Variants in AHCYL2 observed in about 807,000 individuals in gnomAD.
AHCYL2 encodes the protein adenosylhomocysteinase like 2, also known as S-adenosylhomocysteine hydrolase-like protein 2.
In AHCYL2, 28 loss-of-function variants were observed where a neutral mutation model predicts 81.4. The ratio of observed to expected loss-of-function variants is 0.34; its 90% CI spans 0.25 to 0.47. The LOEUF (loss-of-function observed/expected upper bound fraction) is 0.47, where lower values mean the gene tolerates loss of function less well. AHCYL2 is among the 20% of genes least tolerant of loss of function. The pLI, the probability that AHCYL2 is intolerant of heterozygous loss-of-function variation, is 1.00. For missense variants in AHCYL2, 551 were observed against 785.1 expected, an observed-to-expected ratio of 0.70 and a Z score of 3.56; for synonymous variants, 272 against 290.2, an observed-to-expected ratio of 0.94 and a Z score of 0.64.
intron 1 of AHCYL2, among the ~76,000 whole-genome samples, chr7:129,344,418 G>C (rs1793290489): frequency 6.6e-6 from 1 of 152,070 alleles, no homozygotes; most frequent in Non-Finnish European, 1.5e-5. Context: ...CAGTAAAAAA[G>C]AATGAACTAC....
intron 1 of AHCYL2, among the ~76,000 whole-genome samples, chr7:129,308,250 T>C (rs1489510661): frequency 6.6e-6 from 1 of 152,122 alleles, no homozygotes; most frequent in African/African-American, 2.4e-5. Flanking sequence ...TAGCAGGCCT[T>C]ATGGAAGTTA....
chr7:129,389,414 T>C (rs1296953266), intron 3 of AHCYL2, among the ~76,000 whole-genome samples: 2 of 145,898 alleles, frequency 1.4e-5, no homozygotes, highest in South Asian at 2.1e-4. Context: ...GGAGAGAGAC[T>C]GGATAAGGAC....
chr7:129,323,649 G>A (rs1356107243), intron 1 of AHCYL2, among the ~76,000 whole-genome samples: 1 of 152,188 alleles, frequency 6.6e-6, no homozygotes, highest in East Asian at 1.9e-4. Flanking sequence ...TAAGAGAAAG[G>A]TATTGAAATT....
intron 11 of AHCYL2, among the ~76,000 whole-genome samples, chr7:129,412,262 A>C (rs1187496924): frequency 6.6e-6 from 1 of 152,138 alleles, no homozygotes; most frequent in Non-Finnish European, 1.5e-5. Context: ...TGAGTGATTT[A>C]AAACAAAAAA....
chr7:129,239,430 ATTT>A (rs780374168), intron 1 of AHCYL2, among the ~76,000 whole-genome samples: 1 of 141,930 alleles, frequency 7.0e-6, no homozygotes, highest in Admixed American at 7.0e-5. Context: ...ATTTTTATTA[ATTT>A]TTTTTTTTTT....
In AHCYL2 at chr7:129,370,494, C is replaced by T. The variant is rs560127852; in HGVS notation, c.364-9144C>T. 2.4e-3 allele frequency among the ~76,000 whole-genome samples: 370 copies of T among 152,164 alleles called. 1 individual carries two copies. The Middle Eastern group carries it at 0.048, about 20-fold the overall frequency. On this transcript the variant is annotated intron_variant, in intron 1 of 16. Transcript: ENST00000325006. ...CGGGCAGATCACGAGGTCAGGAGAT[C>T]AAGATCATCCTGGCTAACACAGTGA...
intron 1 of AHCYL2, among the ~76,000 whole-genome samples, chr7:129,250,205 C>T (rs1318520565): frequency 2.0e-5 from 3 of 152,024 alleles, no homozygotes; most frequent in African/African-American, 7.2e-5. Context: ...AGGCTGAGTT[C>T]GAGGCCACAG....
intron 1 of AHCYL2, among the ~76,000 whole-genome samples, chr7:129,331,904 A>G (rs1798440240): frequency 6.6e-6 from 1 of 151,490 alleles, no homozygotes. Flanking sequence ...TAGAATAAGC[A>G]GTGAGACAAT....
intron 8 of AHCYL2, chr7:129,405,465 T>C (rs917083735): frequency 2.8e-6 from 1 of 357,106 alleles, no homozygotes; most frequent in Non-Finnish European, 4.9e-6. Context: ...TAAAAGTTAC[T>C]GTGTTATCTA....
At chr7:129,245,025 CT>C (rs11457350) in intron 1 of AHCYL2, among the ~76,000 whole-genome samples, 64,746 of 115,612 alleles carry the variant, frequency 0.56, 16,830 homozygotes, top group Middle Eastern at 0.66. Context: ...GTAGAATATT[CT>C]TTTTTTTTTT....
At chr7:129,344,817 A>T (rs776939903) in intron 1 of AHCYL2, among the ~76,000 whole-genome samples, 11 of 152,142 alleles carry the variant, frequency 7.2e-5, no homozygotes, top group Non-Finnish European at 7.4e-5. Flanking sequence ...GAAAAAAAAG[A>T]GTTCTTACTA....
intron 1 of AHCYL2, among the ~76,000 whole-genome samples, chr7:129,312,293 C>T (rs374025581): frequency 6.6e-6 from 1 of 152,182 alleles, no homozygotes; most frequent in African/African-American, 2.4e-5. Context: ...CCTGTGTTGC[C>T]CAGGCTAGTC....
At chr7:129,345,401 C>T (rs2150821793) in intron 1 of AHCYL2, among the ~76,000 whole-genome samples, 1 of 152,304 alleles carries the variant, frequency 6.6e-6, no homozygotes, top group African/African-American at 2.4e-5. Context: ...GACTGAAGAA[C>T]TATCGATGCT....
At chr7:129,322,699 C>T (rs1414060457) in intron 1 of AHCYL2, among the ~76,000 whole-genome samples, 1 of 152,180 alleles carries the variant, frequency 6.6e-6, no homozygotes, top group East Asian at 1.9e-4. Flanking sequence ...TCAAGCCATC[C>T]TCCCACTTCA....
intron 1 of AHCYL2, among the ~76,000 whole-genome samples, chr7:129,251,043 T>C (rs1256738458): frequency 2.0e-5 from 3 of 152,252 alleles, no homozygotes; most frequent in African/African-American, 7.2e-5. Flanking sequence ...AAAGATTCTG[T>C]GCTGTTTTCT....
intron 1 of AHCYL2, among the ~76,000 whole-genome samples, chr7:129,235,656 C>T (rs1260901989): frequency 2.6e-5 from 4 of 152,206 alleles, no homozygotes; most frequent in Non-Finnish European, 5.9e-5. Flanking sequence ...CTCCTGGGCT[C>T]AAGTGAGCTG....
rs1796504895 is a variant in AHCYL2, at chr7:129,410,265, C to T, written c.1366+719C>T. The stretch of plus-strand genomic sequence containing the variant: ...CCATCACTGCCTCCTACAACTTCCA[C>T]ATCTTCCTTCTGTTTCTTACGGGTC... On this transcript the variant is annotated intron_variant, in intron 11 of 16. Transcript: ENST00000325006. 1.4e-5 allele frequency: 23 copies of T among 1,614,002 alleles called. No individual in the cohort carries two copies. In the South Asian group the frequency reaches 2.3e-4, roughly 16 times the overall value.
chr7:129,240,781 A>G (rs895906896), intron 1 of AHCYL2, among the ~76,000 whole-genome samples: 1 of 152,060 alleles, frequency 6.6e-6, no homozygotes, highest in Non-Finnish European at 1.5e-5. Context: ...GAAGATCCAG[A>G]AACACTGTGC....
chr7:129,344,019 T>C (rs946861281), intron 1 of AHCYL2, among the ~76,000 whole-genome samples: 1 of 152,096 alleles, frequency 6.6e-6, no homozygotes, highest in Admixed American at 6.5e-5. Context: ...ATATGAATGC[T>C]AATAAGCATA....
Sources: gnomAD v4.1 joint callset for allele counts (sites outside exome capture counted in the v4.1 genomes callset) on GRCh38, gnomAD v4.1.1 for gene constraint, MANE v1.5 for transcripts, NCBI Gene and HGNC (gene_info 2026-07-23, HGNC 2026-07-21) for gene names.